The following RPGRIP1 variants were observed in gnomAD, a reference collection of about 807,000 sequenced individuals.
RPGRIP1 encodes RPGR interacting protein 1, also known as X-linked retinitis pigmentosa GTPase regulator-interacting protein 1.
A neutral mutation model predicts 157.9 loss-of-function variants in RPGRIP1; 128 were observed. The ratio of observed to expected loss-of-function variants is 0.81; its 90% confidence interval spans 0.70 to 0.94. The LOEUF is 0.94. Ranked by LOEUF, RPGRIP1 falls within the 40% of genes least tolerant of loss-of-function variation. The probability of loss-of-function intolerance (pLI) is 0.00; values close to 1 mark genes in which losing one functional copy is unlikely to be tolerated. For missense variants in RPGRIP1, 1,486 were observed against 1,545.8 expected, an observed-to-expected ratio of 0.96 and a Z score of 0.65; for synonymous variants, 554 against 571.6, an observed-to-expected ratio of 0.97 and a Z score of 0.44.
intron 24 of RPGRIP1, among the ~76,000 whole-genome samples, chr14:21,350,842 C>CT (rs530725360): frequency 8.2e-4 from 125 of 152,306 alleles, no homozygotes; most frequent in African/African-American, 2.9e-3. Context: ...CCACTTAAGA[C>CT]TTTTCTGGTG....
intron 14 of RPGRIP1, chr14:21,323,779 C>T (rs570041917): frequency 6.9e-6 from 1 of 145,038 alleles, no homozygotes; most frequent in Non-Finnish European, 1.5e-5. Context: ...AAAGTAGTCT[C>T]CTTATTCGTG....
At chr14:21,286,600 G>A (rs536375602) in intron 1 of RPGRIP1, among the ~76,000 whole-genome samples, 204 of 151,780 alleles carry the variant, frequency 1.3e-3, no homozygotes, top group African/African-American at 4.6e-3. Flanking sequence ...TTCAAGACCA[G>A]CCTGAGCAAC....
chr14:21,321,599 G>T lies in RPGRIP1; in HGVS notation c.1611+197G>T. 2.5e-6 allele frequency: 3 copies of T among 1,203,694 alleles called. No homozygotes were observed. The Admixed American group carries it at 9.0e-5, about 36-fold the overall frequency. 74.6% of individuals were successfully genotyped at this position (1,203,694 alleles called of 1,614,324 possible). A position where few individuals can be genotyped will look rare whatever the true frequency, so the allele number is the denominator to read the frequency against. On this transcript the variant is annotated intron_variant, in intron 13 of 24. Transcript: ENST00000400017. ...CACGGCACCTTGGCACTAGGAGCCA[G>T]TGATGGGGCCAGCCCATGCCAATGG...
intron 21 of RPGRIP1, among the ~76,000 whole-genome samples, chr14:21,337,998 C>G (rs1038137093): frequency 5.3e-5 from 8 of 152,046 alleles, no homozygotes; most frequent in Non-Finnish European, 1.2e-4. Flanking sequence ...CTCACTGCAA[C>G]CTCCGCCCCC....
At chr14:21,343,784 G>A (rs187033933) in intron 22 of RPGRIP1, among the ~76,000 whole-genome samples, 1 of 148,486 alleles carries the variant, frequency 6.7e-6, no homozygotes, top group East Asian at 2.1e-4. Flanking sequence ...GAGCCACCAA[G>A]CCCATCCTAT....
intron 1 of RPGRIP1, among the ~76,000 whole-genome samples, chr14:21,285,856 C>T (rs1880280123): frequency 6.6e-6 from 1 of 151,926 alleles, no homozygotes; most frequent in East Asian, 1.9e-4. Flanking sequence ...ATACAGGTCA[C>T]TCTGGGTGTT....
intron 8 of RPGRIP1, among the ~76,000 whole-genome samples, 173 bp from the exon 9 acceptor site, chr14:21,311,651 C>G (rs1409192466): frequency 6.6e-6 from 1 of 152,088 alleles, no homozygotes; most frequent in Non-Finnish European, 1.5e-5. Flanking sequence ...ATTATACTTC[C>G]AGAGAAATGC....
chr14:21,304,515 C>G (rs1594177025), intron 6 of RPGRIP1, among the ~76,000 whole-genome samples: 1 of 151,998 alleles, frequency 6.6e-6, no homozygotes, highest in African/African-American at 2.4e-5. Context: ...AGGAAAACGA[C>G]TTCATCCTCA....
chr14:21,320,232 A>T, intron 12 of RPGRIP1, 55 bp downstream of exon 12: 1 of 1,440,434 alleles, frequency 6.9e-7, no homozygotes, highest in Non-Finnish European at 9.6e-7. Flanking sequence ...TCTGGCAAAT[A>T]TCTCTAGGGA....
chr14:21,288,110 T>C (rs1880366512), intron 2 of RPGRIP1, 49 bp downstream of exon 2: 1 of 1,195,452 alleles, frequency 8.4e-7, no homozygotes, highest in Non-Finnish European at 1.3e-6. Context: ...AAAAGAACTC[T>C]CACTGTGGAA....
At chr14:21,334,494 A>C (rs1884124791) in intron 20 of RPGRIP1, 111 bp from the exon 21 acceptor site, 1 of 758,696 alleles carries the variant, frequency 1.3e-6, no homozygotes, top group Non-Finnish European at 2.3e-6. Flanking sequence ...GGCAAAATCT[A>C]GACACTCGGA....
intron 10 of RPGRIP1, 77 bp from the exon 11 acceptor site, chr14:21,317,619 A>T: frequency 6.4e-7 from 1 of 1,550,770 alleles, no homozygotes. Flanking sequence ...GGTCCAGGAG[A>T]TGCTGAAACT....
Position 21,343,146 on chromosome 14 carries a change from C to T in RPGRIP1, c.3450C>T (p.Asp1150=), listed in dbSNP as rs527354795. The T allele has an allele frequency of 6.2e-7, 1 of 1,613,714 alleles. No individual in the cohort carries two copies. Among genetic ancestry groups the T allele is most frequent in the South Asian group, 1.1e-5 (1 of 91,042 alleles). Residue 1150 remains aspartate, a synonymous_variant, in exon 22 of 25, where the codon GAC becomes GAT. Coordinates refer to ENST00000400017, the MANE Select transcript of RPGRIP1 (RefSeq NM_020366.4). ...KQVYVEYKFY[D]LPLSETETPV... ...TGTATGTGGAGTACAAATTCTACGA[C>T]CTACCCTTGTCGGAGACAGAGACTC...
chr14:21,303,204 T>A, intron 5 of RPGRIP1, 127 bp from the exon 6 acceptor site: 1 of 669,764 alleles, frequency 1.5e-6, no homozygotes, highest in Non-Finnish European at 2.5e-6. Context: ...ATTTGAAAGC[T>A]GTATTTTATA....
At chr14:21,313,590 C>T (rs1270379660) in intron 10 of RPGRIP1, among the ~76,000 whole-genome samples, 1 of 151,918 alleles carries the variant, frequency 6.6e-6, no homozygotes, top group African/African-American at 2.4e-5. Flanking sequence ...GAGTTAGAGA[C>T]CAGCCTGACC....
chr14:21,291,583 A>G (rs1880530834), intron 2 of RPGRIP1, among the ~76,000 whole-genome samples: 1 of 150,804 alleles, frequency 6.6e-6, no homozygotes, highest in Non-Finnish European at 1.5e-5. Flanking sequence ...TAGATGAAGT[A>G]CCTTTTTTTT....
Position 21,325,408 on chromosome 14 carries a change from A to G in RPGRIP1, c.2367+25A>G, listed in dbSNP as rs745757563. 66 of 1,552,208 alleles carry G rather than the reference A, an allele frequency of 4.3e-5. No individual in the cohort carries two copies. The South Asian group carries it at 7.4e-4, about 17-fold the overall frequency. ...GGTGAGAAAAAAGATGTGCCGAGGC[A>G]TCTCAGAGGAGCCTCAGCCAAACAG... On this transcript the variant is annotated intron_variant, in intron 16 of 24. Transcript: ENST00000400017.
intron 12 of RPGRIP1, among the ~76,000 whole-genome samples, chr14:21,320,415 CG>C (rs1316193299): frequency 6.6e-5 from 10 of 151,138 alleles, no homozygotes; most frequent in African/African-American, 2.4e-4. Flanking sequence ...CTCAGCCTTC[CG>C]AGTAGCTGGG....
Position 21,343,222 on chromosome 14 carries a change from A to C in RPGRIP1, c.3526A>C (p.Ser1176Arg), listed in dbSNP as rs1030888005. The change falls in exon 22 of 25, where the codon AGC (serine) becomes CGC (arginine). Residue 1176 changes from serine (S) to arginine (R), a missense_variant. Coordinates refer to ENST00000400017, the MANE Select transcript of RPGRIP1 (RefSeq NM_020366.4). The part of the protein sequence containing the change: ...RAGEEIHFHF[S>R]KVIDLDPQEQ... ...AGGAGAAGAAATCCACTTTCACTTT[A>C]GCAAGGGTGAGGCATCCTGTGTGGT... 3 of 1,612,190 alleles carry C rather than the reference A, an allele frequency of 1.9e-6. No homozygotes were observed. In the African/African-American group the frequency reaches 4.0e-5, roughly 22 times the overall value.
Sources: gnomAD v4.1 joint callset for allele counts (sites outside exome capture counted in the v4.1 genomes callset) on GRCh38, gnomAD v4.1.1 for gene constraint, MANE v1.5 for transcripts, NCBI Gene and HGNC (gene_info 2026-07-23, HGNC 2026-07-21) for gene names.